The following TJP1 variants were observed in gnomAD, a reference collection of about 807,000 sequenced individuals.
The protein encoded by TJP1 is tight junction protein 1.
TJP1 carries 43 observed loss-of-function variants against 194.2 expected under a neutral mutation model. The ratio of observed to expected loss-of-function variants is 0.22; its 90% CI spans 0.17 to 0.29. TJP1 has a LOEUF of 0.29. TJP1 is among the 10% of genes least tolerant of loss of function. TJP1 has a pLI of 1.00. For missense variants in TJP1, 1,971 were observed against 2,185.7 expected (o/e 0.90, Z 1.96); for synonymous variants, 801 against 779.0 (o/e 1.03, Z -0.47).
chr15:29,966,183 T>C (rs2056326534), intron 1 of TJP1, among the ~76,000 whole-genome samples: 1 of 152,204 alleles, frequency 6.6e-6, no homozygotes, highest in African/African-American at 2.4e-5. Context: ...GTCTAATAAT[T>C]CCTCAAATAT....
At chr15:29,810,169 G>A (rs963618825) in intron 1 of TJP1, among the ~76,000 whole-genome samples, 1 of 152,136 alleles carries the variant, frequency 6.6e-6, no homozygotes, top group African/African-American at 2.4e-5. Flanking sequence ...ACTAACAGAT[G>A]AAAAGATATC....
intron 2 of TJP1, among the ~76,000 whole-genome samples, chr15:29,911,238 A>C (rs1009974760): frequency 1.3e-5 from 2 of 152,194 alleles, no homozygotes; most frequent in African/African-American, 4.8e-5. Flanking sequence ...AGATCTGCTC[A>C]GTCTCAGAAC....
At chr15:29,780,906 A>G (rs893259971) in intron 2 of TJP1, among the ~76,000 whole-genome samples, 40 of 152,160 alleles carry the variant, frequency 2.6e-4, no homozygotes, top group African/African-American at 9.2e-4. Flanking sequence ...CATTACATAC[A>G]TTAACAACCT....
Position 29,709,076 on chromosome 15 carries a change from A to G in TJP1, c.4373-40T>C, listed in dbSNP as rs183566817. Reference sequence around the variant, plus strand: ...TAAGCATTTAAATAACTTTCTGAAAAAAGTTATAATAGCCCTGTCCCAGCT... The same window carrying G: ...TAAGCATTTAAATAACTTTCTGAAAGAAGTTATAATAGCCCTGTCCCAGCT... On this transcript the variant is annotated intron_variant, in intron 24 of 27. Transcript: ENST00000614355. The G allele has an allele frequency of 7.0e-4, 1,094 of 1,566,328 alleles. 9 individuals carry two copies. Among genetic ancestry groups the G allele is most frequent in the Middle Eastern group, 5.3e-3 (31 of 5,814 alleles).
intron 2 of TJP1, among the ~76,000 whole-genome samples, chr15:29,874,503 C>G (rs1010077546): frequency 6.6e-6 from 1 of 152,002 alleles, no homozygotes; most frequent in Admixed American, 6.6e-5. Context: ...GACAATACCC[C>G]GGGTTAAAAA....
intron 2 of TJP1, among the ~76,000 whole-genome samples, chr15:29,927,149 A>G (rs1291671697): frequency 6.6e-6 from 1 of 152,142 alleles, no homozygotes; most frequent in African/African-American, 2.4e-5. Context: ...GTGAAACCCC[A>G]TCTGTACTAA....
chr15:29,918,653 A>AC (rs2054262313), intron 2 of TJP1, among the ~76,000 whole-genome samples: 1 of 152,026 alleles, frequency 6.6e-6, no homozygotes, highest in Non-Finnish European at 1.5e-5. Flanking sequence ...TGGGAGGATC[A>AC]CCTAAGCCTG....
intron 8 of TJP1, among the ~76,000 whole-genome samples, chr15:29,745,542 A>C (rs1304840762): frequency 6.6e-6 from 1 of 152,208 alleles, no homozygotes; most frequent in African/African-American, 2.4e-5. Flanking sequence ...ATATCTGACA[A>C]GATTAAAAAC....
chr15:29,768,202 T>C (rs114464591), intron 4 of TJP1, among the ~76,000 whole-genome samples: 92 of 152,238 alleles, frequency 6.0e-4, no homozygotes, highest in Middle Eastern at 3.4e-3. Flanking sequence ...GAAACAACGC[T>C]GAAGCTCAAG....
chr15:29,870,105 G>A (rs1204763762), intron 2 of TJP1, among the ~76,000 whole-genome samples: 6 of 150,674 alleles, frequency 4.0e-5, no homozygotes, highest in Non-Finnish European at 8.9e-5. Context: ...CTCCCAAAGT[G>A]CTGGGATTAC....
chr15:29,741,286 T>G (rs770156565), intron 10 of TJP1, 45 bp downstream of exon 10: 1 of 1,420,240 alleles, frequency 7.0e-7, no homozygotes, highest in East Asian at 2.3e-5. Context: ...CTGAATAATG[T>G]TAATAATGAA....
In TJP1 at chr15:29,718,627, C is replaced by A. The variant is rs897022603; in HGVS notation, c.3515G>T (p.Arg1172Ile). The A allele has an allele frequency of 2.5e-6, 4 of 1,614,180 alleles. No homozygotes were observed. The highest frequency in any genetic ancestry group is 1.1e-5 in the South Asian group (1 of 91,078). The change falls in exon 21 of 28, where the codon AGA becomes ATA. Residue 1172 changes from arginine (R) to isoleucine (I), a missense_variant. Arg to Ile is a moderately conservative substitution (Grantham distance 97, BLOSUM62 -3). Around this residue, in one of 5 missense-constraint regions of TJP1, gnomAD observed 1,108 missense variants for 1,128.5 expected, o/e 0.98. Coordinates refer to ENST00000614355, the MANE Select transcript of TJP1 (RefSeq NM_001330239.4). ...TGAAGGGTGGGGCTGGGCTTCCGGTCTGAGTCTACCATGTGTGTCATACCC... is the reference window on the plus strand; with the variant it reads ...TGAAGGGTGGGGCTGGGCTTCCGGTATGAGTCTACCATGTGTGTCATACCC... ...APGYDTHGRLRPEAQPHPSAG... is the reference protein window; with the variant it reads ...APGYDTHGRLIPEAQPHPSAG...
At chr15:29,779,188 A>AAGCTGATTAAGACCACCGAC (rs2047200194) in intron 2 of TJP1, among the ~76,000 whole-genome samples, 1 of 152,118 alleles carries the variant, frequency 6.6e-6, no homozygotes, top group South Asian at 2.1e-4. Flanking sequence ...AGACCACCGA[A>AAGCTGATTAAGACCACCGAC]CCTTCAACTG....
At chr15:29,949,038 CCAT>C (rs1332518148) in intron 2 of TJP1, among the ~76,000 whole-genome samples, 2 of 150,658 alleles carry the variant, frequency 1.3e-5, no homozygotes, top group Non-Finnish European at 3.0e-5. Flanking sequence ...ACACCCACCA[CCAT>C]CACCTCCGCC....
chr15:29,930,675 G>A (rs2054677807), intron 2 of TJP1, among the ~76,000 whole-genome samples: 2 of 149,734 alleles, frequency 1.3e-5, no homozygotes, highest in South Asian at 4.3e-4. Context: ...ACTAAGATAA[G>A]GGTGCCCACT....
intron 2 of TJP1, among the ~76,000 whole-genome samples, chr15:29,782,348 C>A (rs1480404926): frequency 3.3e-5 from 5 of 152,144 alleles, no homozygotes; most frequent in African/African-American, 1.2e-4. Context: ...CAAAGACAGA[C>A]ACACAGACCA....
At chr15:29,914,209 CTT>C (rs1396555910) in intron 2 of TJP1, among the ~76,000 whole-genome samples, 3 of 152,182 alleles carry the variant, frequency 2.0e-5, no homozygotes, top group African/African-American at 7.2e-5. Context: ...TGGATTACAC[CTT>C]AAATAAATAT....
intron 5 of TJP1, among the ~76,000 whole-genome samples, chr15:29,764,546 G>A (rs1422668508): frequency 1.3e-5 from 2 of 152,148 alleles, no homozygotes; most frequent in African/African-American, 4.8e-5. Flanking sequence ...TGTAAGAGAT[G>A]ACAGTGGCTT....
intron 2 of TJP1, among the ~76,000 whole-genome samples, chr15:29,854,721 C>T (rs760534123): frequency 3.3e-5 from 5 of 152,060 alleles, no homozygotes; most frequent in Non-Finnish European, 4.4e-5. Context: ...TCCCTTCACC[C>T]GGAGTACAAT....
Sources: allele counts gnomAD v4.1 joint callset (sites outside exome capture counted in the v4.1 genomes callset), GRCh38; gene constraint gnomAD v4.1.1; regional missense constraint gnomAD v4.1.1; transcripts MANE v1.5; gene names NCBI Gene and HGNC (gene_info 2026-07-23, HGNC 2026-07-21).